The following NRXN3 variants were observed in gnomAD, a reference collection of about 807,000 sequenced individuals.
NRXN3 encodes the protein neurexin 3.
A neutral mutation model predicts 137.6 loss-of-function variants in NRXN3; 32 were observed. The observed-to-expected ratio is 0.23, with a 90% CI of 0.18 to 0.31. The LOEUF (loss-of-function observed/expected upper bound fraction) is 0.31, where lower values mean the gene tolerates loss of function less well. Among genes scored for constraint, NRXN3 ranks in the 10% least tolerant of loss-of-function variants. NRXN3 has a pLI of 1.00. For synonymous variants in NRXN3, 798 were observed against 784.5 expected (o/e 1.02, Z -0.29); for missense variants, 1,574 against 2,062.5 (o/e 0.76, Z 4.59).
intron 3 of NRXN3, among the ~76,000 whole-genome samples, chr14:78,284,892 G>C (rs1159888520): frequency 6.6e-6 from 1 of 152,166 alleles, no homozygotes; most frequent in East Asian, 1.9e-4. Flanking sequence ...CAGTGTGCCA[G>C]GCACCTACCA....
intron 15 of NRXN3, among the ~76,000 whole-genome samples, chr14:79,110,762 TTTTA>T (rs369429039): frequency 2.2e-5 from 3 of 139,110 alleles, no homozygotes; most frequent in African/African-American, 8.0e-5. Context: ...GAAATTATTA[TTTTA>T]TTTATTTATT....
chr14:79,755,988 A>C (rs1450256283), intron 19 of NRXN3, among the ~76,000 whole-genome samples: 1 of 152,124 alleles, frequency 6.6e-6, no homozygotes, highest in Non-Finnish European at 1.5e-5. Flanking sequence ...AGTAATTTTC[A>C]TTTACTTTCT....
intron 15 of NRXN3, among the ~76,000 whole-genome samples, chr14:79,454,304 G>A (rs990422261): frequency 2.6e-5 from 4 of 151,980 alleles, no homozygotes; most frequent in Admixed American, 6.6e-5. Context: ...CGATGGTCTC[G>A]ATCTCCTGAC....
intron 15 of NRXN3, among the ~76,000 whole-genome samples, chr14:79,037,812 A>G (rs1197823115): frequency 6.6e-6 from 1 of 152,128 alleles, no homozygotes; most frequent in African/African-American, 2.4e-5. Context: ...GTTCTCATAT[A>G]TCACCCTCTG....
At chr14:79,398,429 C>T (rs986046104) in intron 15 of NRXN3, among the ~76,000 whole-genome samples, 11 of 151,836 alleles carry the variant, frequency 7.2e-5, no homozygotes, top group South Asian at 2.1e-4. Context: ...TCATGTCTTT[C>T]ACTAAGACCC....
At chr14:79,106,173 G>C (rs2052395496) in intron 15 of NRXN3, among the ~76,000 whole-genome samples, 1 of 151,924 alleles carries the variant, frequency 6.6e-6, no homozygotes. Flanking sequence ...ATGTTCTTGA[G>C]GTCAGTACAT....
At position 79,861,186 on chromosome 14, in the gene NRXN3, C is replaced by T; in HGVS notation, c.4094-156C>T. 1 of 1,533,490 alleles carries T rather than the reference C, an allele frequency of 6.5e-7. No individual in the cohort carries two copies. The highest frequency in any genetic ancestry group is 1.4e-5 in the African/African-American group (1 of 72,942). The allele number at this position is 1,533,490 out of a possible 1,614,324, so 95.0% of individuals were successfully genotyped here. Reference sequence around the variant, plus strand: ...ACCAAAGATTCCCTGTCCATGACCTCTGAGGCGGGGTTACCTTGCTTGTCG... The same window carrying T: ...ACCAAAGATTCCCTGTCCATGACCTTTGAGGCGGGGTTACCTTGCTTGTCG... On this transcript the variant is annotated intron_variant, in intron 20 of 20. Transcript: ENST00000335750. This position sits in a 1 kb window ranked among gnomAD's most constrained non-coding sequence, Gnocchi z 5.4.
intron 16 of NRXN3, among the ~76,000 whole-genome samples, chr14:79,558,793 C>G (rs1477771670): frequency 6.6e-6 from 1 of 152,120 alleles, no homozygotes; most frequent in Non-Finnish European, 1.5e-5. Flanking sequence ...CAAGACTACA[C>G]CTTCGTCCAG....
At chr14:79,475,571 C>T (rs1468048264) in intron 16 of NRXN3, among the ~76,000 whole-genome samples, 3 of 151,926 alleles carry the variant, frequency 2.0e-5, no homozygotes, top group East Asian at 1.9e-4. Flanking sequence ...TGAGAGGCCA[C>T]GACAATTACA....
chr14:79,454,986 G>T (rs974542312), intron 15 of NRXN3, among the ~76,000 whole-genome samples: 1 of 152,152 alleles, frequency 6.6e-6, no homozygotes, highest in Non-Finnish European at 1.5e-5. Flanking sequence ...AAATTAAAGT[G>T]TTTTGTTTTT....
At chr14:79,594,918 T>C (rs2153826092) in intron 16 of NRXN3, among the ~76,000 whole-genome samples, 1 of 151,750 alleles carries the variant, frequency 6.6e-6, no homozygotes, top group Admixed American at 6.5e-5. Context: ...AAGATAATTT[T>C]ACTTCTTAGT....
intron 15 of NRXN3, among the ~76,000 whole-genome samples, chr14:79,109,647 C>A (rs1246163508): frequency 6.6e-6 from 1 of 152,138 alleles, no homozygotes; most frequent in Non-Finnish European, 1.5e-5. Context: ...GAATTTCTTT[C>A]TGTCTCTCTC....
chr14:78,880,334 G>A (rs992502364), intron 10 of NRXN3, among the ~76,000 whole-genome samples: 1 of 151,536 alleles, frequency 6.6e-6, no homozygotes, highest in African/African-American at 2.4e-5. Context: ...GGATGGAGAA[G>A]CACCTTTTTA....
chr14:79,424,815 G>A (rs962613539), intron 15 of NRXN3, among the ~76,000 whole-genome samples: 8 of 152,220 alleles, frequency 5.3e-5, no homozygotes, highest in African/African-American at 1.4e-4. Flanking sequence ...TTATGCAGGC[G>A]ATACTTTGCT....
At chr14:79,370,289 T>G (rs969327247) in intron 15 of NRXN3, among the ~76,000 whole-genome samples, 16 of 146,688 alleles carry the variant, frequency 1.1e-4, no homozygotes, top group South Asian at 8.5e-4. Context: ...GTTTATCGGG[T>G]TTTTTTTGTT....
intron 15 of NRXN3, among the ~76,000 whole-genome samples, chr14:79,059,406 C>T (rs1037191442): frequency 8.6e-5 from 13 of 151,852 alleles, no homozygotes; most frequent in East Asian, 1.9e-4. Context: ...TACAGGCGCC[C>T]GCCACCACAC....
chr14:79,231,284 C>T (rs1168450179), intron 15 of NRXN3, among the ~76,000 whole-genome samples: 4 of 152,050 alleles, frequency 2.6e-5, no homozygotes, highest in African/African-American at 9.7e-5. Flanking sequence ...AGACCAGTTG[C>T]CATTTATTCC....
At chr14:79,381,957 T>TC (rs1365837429) in intron 15 of NRXN3, among the ~76,000 whole-genome samples, 1 of 152,154 alleles carries the variant, frequency 6.6e-6, no homozygotes, top group African/African-American at 2.4e-5. Flanking sequence ...ATATTAACAC[T>TC]CCTTGTACTC....
chr14:78,254,817 C>G (rs1280781516), intron 2 of NRXN3, among the ~76,000 whole-genome samples: 1 of 152,090 alleles, frequency 6.6e-6, no homozygotes, highest in African/African-American at 2.4e-5. Flanking sequence ...GCTAAAAGGC[C>G]TAGTAGTATT....
Sources: allele counts gnomAD v4.1 joint callset (sites outside exome capture counted in the v4.1 genomes callset), GRCh38; gene constraint gnomAD v4.1.1; non-coding constraint Gnocchi (gnomAD v3.1); transcripts MANE v1.5; gene names NCBI Gene and HGNC (gene_info 2026-07-23, HGNC 2026-07-21).